Variants in TBC1D5 observed in about 807,000 individuals in gnomAD.
TBC1D5 encodes TBC1 domain family member 5.
TBC1D5 carries 75 observed loss-of-function variants against 100.3 expected under a neutral mutation model. That is an observed-to-expected ratio of 0.75 (90% CI 0.62 to 0.91). The LOEUF (loss-of-function observed/expected upper bound fraction) is 0.91, where lower values mean the gene tolerates loss of function less well. TBC1D5 is among the 40% of genes least tolerant of loss of function. The pLI is 0.00. For synonymous variants in TBC1D5, 323 were observed against 325.6 expected, an observed-to-expected ratio of 0.99 and a Z score of 0.09; for missense variants, 910 against 942.4, an observed-to-expected ratio of 0.97 and a Z score of 0.45.
Position 17,689,521 on chromosome 3 carries a change from AAAAAAAAAAAAAAAAG to A in TBC1D5, c.-101+49806_-101+49821del, listed in dbSNP as rs1245938345. Reference sequence around the variant, plus strand: ...GCGACAGAGTGAGACCCTGTCTCAAAAAAAAAAAAAAAAAAGAAAAGAAAAAGAGAAAAAAGGGAGG... The same window carrying A: ...GCGACAGAGTGAGACCCTGTCTCAAAAAAAGAAAAAGAGAAAAAAGGGAGG... On this transcript the variant is annotated intron_variant, in intron 1 of 21. Coordinates refer to ENST00000253692, the Ensembl canonical transcript of TBC1D5. Among the ~76,000 whole-genome samples the A allele has an allele frequency of 2.0e-5, 3 of 150,204 alleles. No homozygotes were observed. In the East Asian group the frequency reaches 5.8e-4, roughly 29 times the overall value.
chr3:17,243,777 G>A (rs1296771523), intron 16 of TBC1D5, among the ~76,000 whole-genome samples: 2 of 152,048 alleles, frequency 1.3e-5, no homozygotes, highest in Non-Finnish European at 2.9e-5. Flanking sequence ...AGACTAATAT[G>A]AGCTCACAGT....
chr3:17,245,526 C>T (rs2596638), intron 16 of TBC1D5, among the ~76,000 whole-genome samples: 62,198 of 151,988 alleles, frequency 0.41, 13,434 homozygotes, highest in Middle Eastern at 0.49. Flanking sequence ...GGCAAACTTT[C>T]GTCTATATGA....
intron 2 of TBC1D5, among the ~76,000 whole-genome samples, chr3:17,567,553 C>T (rs1307758618): frequency 6.6e-6 from 1 of 151,736 alleles, no homozygotes. Context: ...CTTTCCTTCT[C>T]GATCCTTGAA....
At chr3:17,389,111 T>C (rs984028832) in intron 8 of TBC1D5, among the ~76,000 whole-genome samples, 1 of 152,122 alleles carries the variant, frequency 6.6e-6, no homozygotes, top group Non-Finnish European at 1.5e-5. Context: ...TATCTTGTAA[T>C]GTATTTGTTA....
chr3:17,190,596 T>C (rs1028332930), intron 18 of TBC1D5, among the ~76,000 whole-genome samples: 1 of 152,118 alleles, frequency 6.6e-6, no homozygotes, highest in East Asian at 1.9e-4. Flanking sequence ...TCACTTCACA[T>C]AATTATGTTT....
At chr3:17,500,754 A>T (rs1254771940) in intron 3 of TBC1D5, among the ~76,000 whole-genome samples, 1 of 149,286 alleles carries the variant, frequency 6.7e-6, no homozygotes, top group African/African-American at 2.5e-5. Context: ...TCCTCTATCC[A>T]AGTTCTAATC....
chr3:17,197,365 G>A (rs566579303), intron 18 of TBC1D5, among the ~76,000 whole-genome samples: 27 of 151,922 alleles, frequency 1.8e-4, no homozygotes, highest in African/African-American at 6.3e-4. Context: ...AAGCCCTGGG[G>A]TTTTTATCTT....
At position 17,409,372 on chromosome 3, in the gene TBC1D5, T is replaced by C. The variant is rs187254802; in HGVS notation, c.168-2846A>G. ...GTTGTATGTGTTCTGGCCATACCAC[T>C]AAACAGTCCCTTGTCTCTCTCCCTC... On this transcript the variant is annotated intron_variant, in intron 4 of 21. Coordinates refer to ENST00000253692, the Ensembl canonical transcript of TBC1D5. Among the ~76,000 whole-genome samples the C allele has an allele frequency of 1.5e-3, 230 of 152,268 alleles. 2 individuals carry two copies. Among genetic ancestry groups the C allele is most frequent in the African/African-American group, 5.1e-3 (211 of 41,566 alleles).
At chr3:17,579,224 C>CAAAT (rs2096676674) in intron 2 of TBC1D5, among the ~76,000 whole-genome samples, 1 of 151,840 alleles carries the variant, frequency 6.6e-6, no homozygotes, top group South Asian at 2.1e-4. Context: ...AGTACAAACC[C>CAAAT]AAATACTCCT....
chr3:17,438,173 A>G (rs1222357880), intron 3 of TBC1D5, among the ~76,000 whole-genome samples: 1 of 152,098 alleles, frequency 6.6e-6, no homozygotes, highest in Non-Finnish European at 1.5e-5. Context: ...CTAATGCTGC[A>G]TTTTAGACAA....
At chr3:17,168,404 C>T (rs1032182190) in intron 19 of TBC1D5, among the ~76,000 whole-genome samples, 4 of 152,194 alleles carry the variant, frequency 2.6e-5, no homozygotes, top group African/African-American at 7.2e-5. Context: ...TTAGCCGCCA[C>T]ATGAGAAGTC....
At chr3:17,276,738 T>G (rs1012174669) in intron 15 of TBC1D5, among the ~76,000 whole-genome samples, 2 of 152,188 alleles carry the variant, frequency 1.3e-5, no homozygotes, top group East Asian at 3.8e-4. Flanking sequence ...ATGTGCTTCT[T>G]CTTCTTTCTG....
At chr3:17,474,293 T>C (rs886663230) in intron 3 of TBC1D5, among the ~76,000 whole-genome samples, 1 of 152,182 alleles carries the variant, frequency 6.6e-6, no homozygotes, top group African/African-American at 2.4e-5. Context: ...TTCTGAGTTA[T>C]AAACTTAACT....
intron 13 of TBC1D5, among the ~76,000 whole-genome samples, chr3:17,332,207 A>G (rs1181260504): frequency 6.6e-6 from 1 of 152,150 alleles, no homozygotes; most frequent in Non-Finnish European, 1.5e-5. Context: ...TATTCTGGAT[A>G]TATTTTGAAG....
chr3:17,173,089 C>T (rs1249027190), intron 19 of TBC1D5, among the ~76,000 whole-genome samples: 10 of 152,002 alleles, frequency 6.6e-5, no homozygotes, highest in South Asian at 2.1e-4. Flanking sequence ...TTCATTTGTA[C>T]GTGCCATGTT....
At chr3:17,251,541 G>T (rs1161008118) in intron 16 of TBC1D5, among the ~76,000 whole-genome samples, 1 of 148,958 alleles carries the variant, frequency 6.7e-6, no homozygotes, top group South Asian at 2.1e-4. Flanking sequence ...TTTTATTTGT[G>T]TTGCATATCC....
rs559762217 is a variant in TBC1D5, at chr3:17,499,034, T to G, written c.97+9440A>C. Reference sequence around the variant, plus strand: ...GGAGGGCACTGATATAAAAGAGTGATTAAGGAAGTCCTTGAGTGATTTCCC... The same window carrying G: ...GGAGGGCACTGATATAAAAGAGTGAGTAAGGAAGTCCTTGAGTGATTTCCC... On this transcript the variant is annotated intron_variant, in intron 3 of 21. Coordinates refer to ENST00000253692, the Ensembl canonical transcript of TBC1D5. Among the ~76,000 whole-genome samples the G allele has an allele frequency of 1.7e-4, 26 of 152,296 alleles. 1 individual carries two copies. In the South Asian group the frequency reaches 3.7e-3, roughly 22 times the overall value.
At chr3:17,243,620 AT>A (rs1245195182) in intron 16 of TBC1D5, among the ~76,000 whole-genome samples, 5 of 152,190 alleles carry the variant, frequency 3.3e-5, no homozygotes, top group Non-Finnish European at 7.4e-5. Flanking sequence ...ACAAAGATAA[AT>A]AAAAGCTCAT....
intron 13 of TBC1D5, among the ~76,000 whole-genome samples, chr3:17,362,860 C>T (rs1408666690): frequency 1.3e-5 from 2 of 152,166 alleles, no homozygotes; most frequent in African/African-American, 4.8e-5. Flanking sequence ...CTCCTCAGTA[C>T]CCAGCAGTTT....
Sources: gnomAD v4.1 joint callset for allele counts (sites outside exome capture counted in the v4.1 genomes callset) on GRCh38, gnomAD v4.1.1 for gene constraint, MANE v1.5 for transcripts, NCBI Gene and HGNC (gene_info 2026-07-23, HGNC 2026-07-21) for gene names.